Variants in FCSK observed in about 807,000 individuals in gnomAD.
FCSK encodes the protein fucose kinase.
Under a neutral mutation model 122.5 loss-of-function variants are expected in FCSK, and 123 were observed. That is an observed-to-expected ratio of 1.00 (90% confidence interval 0.87 to 1.17). The LOEUF (loss-of-function observed/expected upper bound fraction) is 1.17. FCSK is among the 50% of genes most tolerant of loss of function. The pLI is 0.00. For synonymous variants in FCSK, 620 were observed against 625.5 expected, an observed-to-expected ratio of 0.99 and a Z score of 0.13; for missense variants, 1,366 against 1,450.4, an observed-to-expected ratio of 0.94 and a Z score of 0.95.
chr16:70,470,943 C>A, intron 11 of FCSK, 28 bp from the exon 12 acceptor site: 4 of 1,549,170 alleles, frequency 2.6e-6, no homozygotes, highest in African/African-American at 1.4e-5. Flanking sequence ...CTCGACCCCC[C>A]TCATGCTCCT....
At position 70,463,593 on chromosome 16, in the gene FCSK, G is replaced by T; in HGVS notation, c.83-30G>T. 3 of 1,610,636 alleles carry T rather than the reference G, an allele frequency of 1.9e-6. No individual in the cohort carries two copies. The South Asian group carries it at 3.3e-5, about 18-fold the overall frequency. On this transcript the variant is annotated intron_variant, in intron 2 of 23. Coordinates refer to ENST00000288078, the MANE Select transcript of FCSK (RefSeq NM_145059.3). ...TTTGGGCCAGGGCAGAGAGCTGGGG[G>T]GCAGGTCCCAGTGTCTCTTCTGACC...
chr16:70,473,072 A>C lies in FCSK; in HGVS notation c.1496A>C (p.Glu499Ala). Reference sequence around the variant, plus strand: ...TTTCCTGTGCTCCACCCCTCGAGGGAGCTGGGACCCCAGGACCTGCTGTGG... The same window carrying C: ...TTTCCTGTGCTCCACCCCTCGAGGGCGCTGGGACCCCAGGACCTGCTGTGG... Reference protein sequence around the residue: ...RLFPVLHPSRELGPQDLLWML... With the variant: ...RLFPVLHPSRALGPQDLLWML... Residue 499 changes from glutamate (E) to alanine (A), a missense_variant, in exon 15 of 24, where the codon GAG becomes GCG. Transcript: ENST00000288078. This position sits in a 1 kb window ranked among gnomAD's most constrained non-coding sequence, Gnocchi z 4.9. 6.3e-7 allele frequency: 1 copy of C among 1,590,800 alleles called. No individual in the cohort carries two copies. The highest frequency in any genetic ancestry group is 8.6e-7 in the Non-Finnish European group (1 of 1,169,548).
At chr16:70,454,932 C>G (rs2048042786) in intron 1 of FCSK, 1 of 152,254 alleles carries the variant, frequency 6.6e-6, no homozygotes, top group Non-Finnish European at 1.5e-5. Flanking sequence ...GATCCTCACC[C>G]TGAGGCAGGT....
chr16:70,474,205 A>C lies in FCSK; in HGVS notation c.1854A>C (p.Ala618=), dbSNP rs2048720985. 2 of 1,585,258 alleles carry C rather than the reference A, an allele frequency of 1.3e-6. No individual in the cohort carries two copies. Among genetic ancestry groups the C allele is most frequent in the Non-Finnish European group, 1.7e-6 (2 of 1,166,648 alleles). ...TGGCGGACGTCCTGGGCTGCATGGC[A>C]GAGGGCCGTGGGGGCTTGCGGAGCG... is the stretch of plus-strand genomic sequence containing the variant. ...ACVADVLGCM[A]EGRGGLRSGP... is the part of the protein sequence containing the mutation. The change falls in exon 16 of 24, where the codon GCA becomes GCC. Residue 618 remains alanine, a synonymous_variant. Coordinates refer to ENST00000288078, the MANE Select transcript of FCSK (RefSeq NM_145059.3).
intron 4 of FCSK, among the ~76,000 whole-genome samples, 169 bp from the exon 5 acceptor site, chr16:70,465,963 G>GTGCAA (rs747090107): frequency 4.5e-4 from 68 of 152,114 alleles, no homozygotes; most frequent in Non-Finnish European, 3.8e-4. Context: ...AAAAATTGCA[G>GTGCAA]TGCAATGCAA....
chr16:70,478,257 T>C lies in FCSK; in HGVS notation c.2642-15T>C, dbSNP rs375454528. ...GCCAGATAGACTCCAACAGTGACAG[T>C]CCCTGGGCTCACAGGAGGTGGCTGG... On this transcript the variant is annotated splice_polypyrimidine_tract_variant and intron_variant, in intron 20 of 23. Transcript: ENST00000288078. The C allele has an allele frequency of 1.2e-6, 2 of 1,612,834 alleles. No individual in the cohort carries two copies. The highest frequency in any genetic ancestry group is 2.2e-5 in the South Asian group (2 of 90,942).
intron 10 of FCSK, among the ~76,000 whole-genome samples, chr16:70,469,940 G>T (rs2048557900): frequency 1.3e-5 from 2 of 152,084 alleles, no homozygotes; most frequent in South Asian, 4.1e-4. Flanking sequence ...TGCGTCTCAG[G>T]TTCAAGCGAT....
intron 3 of FCSK, among the ~76,000 whole-genome samples, chr16:70,464,699 C>CAAA (rs774838734): frequency 1.9e-5 from 1 of 52,852 alleles, no homozygotes; most frequent in Non-Finnish European, 4.4e-5. Flanking sequence ...GACTGCATCT[C>CAAA]AAAAAAAAAA....
At chr16:70,456,225 CA>C (rs1340189555) in intron 1 of FCSK, among the ~76,000 whole-genome samples, 1 of 152,206 alleles carries the variant, frequency 6.6e-6, no homozygotes, top group Admixed American at 6.5e-5. Flanking sequence ...GCTATTAAAG[CA>C]ATGGCAAAAG....
Position 70,467,394 on chromosome 16 carries a change from C to T in FCSK, c.505C>T (p.Arg169Trp), listed in dbSNP as rs370681598. The T allele has an allele frequency of 1.8e-5, 29 of 1,609,644 alleles. No homozygotes were observed. Among genetic ancestry groups the T allele is most frequent in the South Asian group, 4.4e-5 (4 of 90,168 alleles). ...ANPGISWDSF[R>W]GARVIALPGS... is the part of the protein sequence containing the mutation. ...CACAGGTATCAGCTGGGACAGCTTC[C>T]GGGGAGCCAGAGTGATCGCCCTCCC... The change falls in exon 7 of 24, where the codon CGG (arginine) becomes TGG (tryptophan). Residue 169 changes from arginine (R) to tryptophan (W), a missense_variant. By Grantham distance (101) the Arg-to-Trp change is moderately radical (BLOSUM62 -3). Transcript: ENST00000288078.
chr16:70,475,794 A>G, intron 20 of FCSK, 27 bp downstream of exon 20: 2 of 1,534,490 alleles, frequency 1.3e-6, no homozygotes, highest in South Asian at 2.4e-5. Context: ...GAGTTGGAGG[A>G]GGTCACTGAC....
chr16:70,469,063 C>T (rs2048523784), intron 9 of FCSK, 89 bp from the exon 10 acceptor site: 1 of 1,606,394 alleles, frequency 6.2e-7, no homozygotes, highest in African/African-American at 1.3e-5. Flanking sequence ...GGCAGAGTCT[C>T]CGCAGACGGG....
At chr16:70,470,579 C>T (rs548688029) in intron 11 of FCSK, among the ~76,000 whole-genome samples, 153 bp downstream of exon 11, 36 of 152,204 alleles carry the variant, frequency 2.4e-4, no homozygotes, top group Non-Finnish European at 4.3e-4. Context: ...CTCAGAGAGG[C>T]TAAGTAACTT....
Position 70,474,336 on chromosome 16 carries a change from G to A in FCSK, c.1985G>A (p.Ser662Asn), listed in dbSNP as rs2048727068. The A allele has an allele frequency of 1.2e-6, 2 of 1,612,984 alleles. No individual in the cohort carries two copies. The highest frequency in any genetic ancestry group is 1.3e-5 in the African/African-American group (1 of 74,940). Reference protein sequence around the residue: ...ALAQERDKWLSRPALLVRAAR... With the variant: ...ALAQERDKWLNRPALLVRAAR... ...GCCCAGGAGAGGGACAAGTGGCTAA[G>A]CAGGTGTGTACTAATGGAGGTCAGA... Residue 662 changes from serine to asparagine, a missense_variant, in exon 16 of 24, where the codon AGC (serine) becomes AAC (asparagine). Coordinates refer to ENST00000288078, the MANE Select transcript of FCSK (RefSeq NM_145059.3).
At chr16:70,466,295 A>G in intron 5 of FCSK, 38 bp downstream of exon 5, 1 of 1,610,562 alleles carries the variant, frequency 6.2e-7, no homozygotes, top group Non-Finnish European at 8.5e-7. Context: ...CTCGTCCCAG[A>G]TAGAGCCACT....
intron 10 of FCSK, 135 bp downstream of exon 10, chr16:70,469,458 C>T (rs978298182): frequency 2.9e-5 from 22 of 749,880 alleles, no homozygotes; most frequent in Non-Finnish European, 4.3e-5. Flanking sequence ...TGTGCCAGAG[C>T]CCCCCACTGA....
At chr16:70,469,542 G>GT (rs937378111) in intron 10 of FCSK, among the ~76,000 whole-genome samples, 56 of 151,054 alleles carry the variant, frequency 3.7e-4, no homozygotes, top group South Asian at 1.5e-3. Context: ...TTTTGTTTCT[G>GT]TTTTTTTTTG....
At chr16:70,469,377 C>T in intron 10 of FCSK, 54 bp downstream of exon 10, 1 of 1,503,528 alleles carries the variant, frequency 6.7e-7, no homozygotes, top group Non-Finnish European at 8.9e-7. Flanking sequence ...AGTGAGGACC[C>T]CAAGAATGGA....
At chr16:70,461,868 C>G (rs150818960) in intron 1 of FCSK, among the ~76,000 whole-genome samples, 1 of 152,252 alleles carries the variant, frequency 6.6e-6, no homozygotes, top group East Asian at 1.9e-4. Flanking sequence ...AGCCATCCGC[C>G]TTGGTGTCCA....
Sources: allele counts gnomAD v4.1 joint callset (sites outside exome capture counted in the v4.1 genomes callset), GRCh38; gene constraint gnomAD v4.1.1; non-coding constraint Gnocchi (gnomAD v3.1); transcripts MANE v1.5; gene names NCBI Gene and HGNC (gene_info 2026-07-23, HGNC 2026-07-21).